Variants in MYO6 observed in about 807,000 individuals in gnomAD.
MYO6 encodes the protein unconventional myosin-VI.
In MYO6, 74 loss-of-function variants were observed where a neutral mutation model predicts 178.7. That is an observed-to-expected ratio of 0.41 (90% CI 0.34 to 0.50). The LOEUF (loss-of-function observed/expected upper bound fraction) is 0.50. Among genes scored for constraint, MYO6 ranks in the 20% least tolerant of loss-of-function variants. The pLI is 0.09. For missense variants in MYO6, 1,330 were observed against 1,547.4 expected, an observed-to-expected ratio of 0.86 and a Z score of 2.36; for synonymous variants, 477 against 504.6, an observed-to-expected ratio of 0.95 and a Z score of 0.73.
chr6:75,765,319 G>C, intron 1 of MYO6, among the ~76,000 whole-genome samples: 1 of 151,148 alleles, frequency 6.6e-6, no homozygotes, highest in Admixed American at 6.6e-5. Flanking sequence ...TGGGACTACA[G>C]GTGCACACTA....
chr6:75,884,569 A>C (rs550991941), intron 23 of MYO6, among the ~76,000 whole-genome samples: 1 of 152,232 alleles, frequency 6.6e-6, no homozygotes, highest in African/African-American at 2.4e-5. Flanking sequence ...GTAGAGAGAC[A>C]GTAATTAATG....
rs141676637 is a variant in MYO6, at chr6:75,842,345, A to C, written c.816+967A>C. Among the ~76,000 whole-genome samples the C allele has an allele frequency of 9.9e-3, 1,502 of 152,308 alleles. 11 individuals carry two copies. Among genetic ancestry groups the C allele is most frequent in the Non-Finnish European group, 0.016 (1,069 of 68,012 alleles). ...TGTATGGAGTATGGGAATGTAGTTT[A>C]TACAAAGGAATGCAATGTGAGTAAG... On this transcript the variant is annotated intron_variant, in intron 9 of 34. Transcript: ENST00000369977.
At chr6:75,764,313 C>T (rs1486097393) in intron 1 of MYO6, among the ~76,000 whole-genome samples, 2 of 152,172 alleles carry the variant, frequency 1.3e-5, no homozygotes, top group East Asian at 3.8e-4. Context: ...CGCTCTAGCC[C>T]CGTTGGCCTC....
At chr6:75,891,749 G>A (rs1778921477) in intron 27 of MYO6, among the ~76,000 whole-genome samples, 1 of 152,240 alleles carries the variant, frequency 6.6e-6, no homozygotes, top group South Asian at 2.1e-4. Context: ...CCAAAGGCCA[G>A]TTTTTGAAGT....
At position 75,858,963 on chromosome 6, in the gene MYO6, A is replaced by G. The variant is rs1489978161; in HGVS notation, c.1443A>G (p.Gln481=). ...TCAACTATTGCAATGAAAAACTTCA[A>G]CAATTTTTTAATGAAAGGATTCTGA... is the stretch of plus-strand genomic sequence containing the variant. ...FCINYCNEKL[Q]QFFNERILKE... The change falls in exon 14 of 35, where the codon CAA becomes CAG. Residue 481 remains glutamine, a synonymous_variant. Coordinates refer to ENST00000369977, the MANE Select transcript of MYO6 (RefSeq NM_004999.4). The G allele has an allele frequency of 5.0e-6, 8 of 1,608,180 alleles. No homozygotes were observed. The South Asian group carries it at 8.8e-5, about 18-fold the overall frequency.
intron 1 of MYO6, among the ~76,000 whole-genome samples, chr6:75,781,438 G>A (rs755544058): frequency 1.6e-4 from 24 of 152,142 alleles, no homozygotes; most frequent in Non-Finnish European, 2.8e-4. Context: ...GATATGCTAC[G>A]TATAGAGGAT....
intron 1 of MYO6, among the ~76,000 whole-genome samples, chr6:75,775,331 G>T (rs928331337): frequency 3.3e-5 from 5 of 152,182 alleles, no homozygotes; most frequent in Admixed American, 1.3e-4. Context: ...AATTGTGCAG[G>T]TCACCTCTGG....
At chr6:75,832,441 G>C (rs1773194980) in intron 5 of MYO6, among the ~76,000 whole-genome samples, 1 of 151,904 alleles carries the variant, frequency 6.6e-6, no homozygotes, top group Non-Finnish European at 1.5e-5. Flanking sequence ...CTGAATTTTT[G>C]GTTGCTAGAT....
In MYO6 at chr6:75,848,518, T is replaced by C. The variant is rs753224347; in HGVS notation, c.1065T>C (p.Ala355=). ...LHLGNIDFEE[A]GSTSGGCNLK... ...TTGGAAATATTGATTTTGAGGAAGCTGGCAGCACTTCAGGTTTGCTTTTTA... is the reference window on the plus strand; with the variant it reads ...TTGGAAATATTGATTTTGAGGAAGCCGGCAGCACTTCAGGTTTGCTTTTTA... Residue 355 remains alanine (A), a synonymous_variant, in exon 11 of 35, where the codon GCT becomes GCC. Coordinates refer to ENST00000369977, the MANE Select transcript of MYO6 (RefSeq NM_004999.4). 52 of 1,613,398 alleles carry C rather than the reference T, an allele frequency of 3.2e-5. No individual in the cohort carries two copies. The highest frequency in any genetic ancestry group is 4.2e-5 in the Non-Finnish European group (50 of 1,179,692).
At chr6:75,757,595 T>C (rs1016997824) in intron 1 of MYO6, among the ~76,000 whole-genome samples, 5 of 151,816 alleles carry the variant, frequency 3.3e-5, no homozygotes, top group Non-Finnish European at 7.4e-5. Flanking sequence ...CTTAATCCTC[T>C]CTCTGACAGC....
At chr6:75,790,427 G>C (rs1298067932) in intron 1 of MYO6, among the ~76,000 whole-genome samples, 2 of 150,912 alleles carry the variant, frequency 1.3e-5, no homozygotes, top group African/African-American at 2.4e-5. Flanking sequence ...ACCCAGGCTG[G>C]AGTGCAGTGG....
In MYO6 at chr6:75,866,574, G is replaced by C; in HGVS notation, c.1723G>C (p.Glu575Gln). 1 of 1,614,008 alleles carries C rather than the reference G, an allele frequency of 6.2e-7. No individual in the cohort carries two copies. The highest frequency in any genetic ancestry group is 8.5e-7 in the Non-Finnish European group (1 of 1,179,942). ...AGTTCATAGGAATATCAGAGACGAC[G>C]AAGGCTTCATTATCAGGCATTTTGC... ...LAVHRNIRDD[E>Q]GFIIRHFAGA... The change falls in exon 17 of 35, where the codon GAA becomes CAA. Residue 575 changes from glutamate (E) to glutamine (Q), a missense_variant. Physicochemically the swap from Glu to Gln is conservative, Grantham distance 29 (BLOSUM62 2). This residue lies in a region of MYO6 where 613 missense variants were observed against 816.8 expected (regional missense o/e 0.75). Transcript: ENST00000369977.
chr6:75,761,102 T>C (rs1413822247), intron 1 of MYO6, among the ~76,000 whole-genome samples: 2 of 152,234 alleles, frequency 1.3e-5, no homozygotes, highest in East Asian at 3.9e-4. Context: ...GCTCTTCTTG[T>C]TCATCTTGGT....
At chr6:75,807,664 G>A (rs1053112144) in intron 1 of MYO6, among the ~76,000 whole-genome samples, 4 of 152,200 alleles carry the variant, frequency 2.6e-5, no homozygotes, top group Non-Finnish European at 5.9e-5. Flanking sequence ...TATTTAGAAA[G>A]TAAAGGAATA....
At chr6:75,802,896 G>A (rs907116770) in intron 1 of MYO6, among the ~76,000 whole-genome samples, 1 of 152,246 alleles carries the variant, frequency 6.6e-6, no homozygotes, top group Admixed American at 6.5e-5. Flanking sequence ...AATCACCTGG[G>A]ATGAATATCT....
intron 11 of MYO6, among the ~76,000 whole-genome samples, chr6:75,850,250 A>G (rs149380691): frequency 1.6e-4 from 24 of 152,332 alleles, no homozygotes; most frequent in African/African-American, 5.0e-4. Flanking sequence ...ATATAGGGAA[A>G]GAGCACAAGA....
chr6:75,915,304 A>ACAT lies in MYO6; in HGVS notation c.*294_*296dup. Reference sequence around the variant, plus strand: ...TCATCCTTTGCCAGAAGACTACCTTACATCCATCGTAATTGTTCTCTAGGA... The same window carrying ACAT: ...TCATCCTTTGCCAGAAGACTACCTTACATCATCCATCGTAATTGTTCTCTAGGA... On this transcript the variant is annotated 3_prime_UTR_variant, in exon 35 of 35. Transcript: ENST00000369977. 1 of 438,456 alleles carries ACAT rather than the reference A, an allele frequency of 2.3e-6. No homozygotes were observed. The highest frequency in any genetic ancestry group is 4.2e-6 in the Non-Finnish European group (1 of 237,590). 27.2% of individuals were successfully genotyped at this position (438,456 alleles called of 1,614,324 possible). A position where few individuals can be genotyped will look rare whatever the true frequency, so the allele number is the denominator to read the frequency against.
chr6:75,829,862 G>A (rs1011232060), intron 4 of MYO6, among the ~76,000 whole-genome samples: 1 of 152,152 alleles, frequency 6.6e-6, no homozygotes, highest in African/African-American at 2.4e-5. Flanking sequence ...AGAAATCTGG[G>A]ACCAAATGGT....
intron 20 of MYO6, among the ~76,000 whole-genome samples, chr6:75,878,197 C>T (rs1294795160): frequency 6.6e-6 from 1 of 152,144 alleles, no homozygotes; most frequent in African/African-American, 2.4e-5. Context: ...CCACTTAACT[C>T]TACGTCTTGG....
Sources: gnomAD v4.1 joint callset for allele counts (sites outside exome capture counted in the v4.1 genomes callset) on GRCh38, gnomAD v4.1.1 for gene constraint, gnomAD v4.1.1 regional missense constraint, MANE v1.5 for transcripts, NCBI Gene and HGNC (gene_info 2026-07-23, HGNC 2026-07-21) for gene names.